The following ADGRL3 variants were observed in gnomAD, a reference collection of about 807,000 sequenced individuals.
ADGRL3 encodes the protein adhesion G protein-coupled receptor L3.
In ADGRL3, 62 loss-of-function variants were observed where a neutral mutation model predicts 153.5. That is an observed-to-expected ratio of 0.40 (90% confidence interval 0.33 to 0.50). ADGRL3 has a LOEUF of 0.50. ADGRL3 is among the 20% of genes least tolerant of loss of function. The probability of loss-of-function intolerance (pLI) is 0.47; values close to 1 mark genes in which losing one functional copy is unlikely to be tolerated. For missense variants in ADGRL3, 1,641 were observed against 1,859.4 expected, an observed-to-expected ratio of 0.88 and a Z score of 2.16; for synonymous variants, 710 against 672.5, an observed-to-expected ratio of 1.06 and a Z score of -0.86.
At chr4:61,326,386 C>A (rs73825111) in intron 1 of ADGRL3, among the ~76,000 whole-genome samples, 6 of 151,868 alleles carry the variant, frequency 4.0e-5, no homozygotes, top group African/African-American at 1.5e-4. Context: ...AGTTTATAAT[C>A]GTAACTGTTC....
chr4:61,716,224 G>T (rs1274030923), intron 6 of ADGRL3, among the ~76,000 whole-genome samples: 1 of 152,086 alleles, frequency 6.6e-6, no homozygotes, highest in African/African-American at 2.4e-5. Flanking sequence ...ACTGGTGTGT[G>T]GCTCTAGAAA....
chr4:61,404,605 G>A (rs1209819268), intron 2 of ADGRL3, among the ~76,000 whole-genome samples: 1 of 151,994 alleles, frequency 6.6e-6, no homozygotes, highest in Non-Finnish European at 1.5e-5. Context: ...TGTGACTGCT[G>A]AGAAGTGAGA....
chr4:61,694,973 C>A (rs1271168753), intron 6 of ADGRL3, among the ~76,000 whole-genome samples: 1 of 152,188 alleles, frequency 6.6e-6, no homozygotes. Context: ...CACAAGATTG[C>A]AGCAATTCAG....
chr4:62,043,899 TATGTA>T (rs556876864), intron 24 of ADGRL3, among the ~76,000 whole-genome samples: 51 of 152,050 alleles, frequency 3.4e-4, no homozygotes, highest in Admixed American at 3.9e-4. Context: ...TCAGGATAGT[TATGTA>T]ATCCCTAAAA....
intron 4 of ADGRL3, among the ~76,000 whole-genome samples, chr4:61,519,653 A>G (rs1657326114): frequency 6.6e-6 from 1 of 152,168 alleles, no homozygotes; most frequent in Non-Finnish European, 1.5e-5. Flanking sequence ...TACAGCTAGA[A>G]TGCTTGGACA....
Position 61,789,457 on chromosome 4 carries a change from G to C in ADGRL3, c.1400-24352G>C, listed in dbSNP as rs1358666364. 7.2e-5 allele frequency among the ~76,000 whole-genome samples: 11 copies of C among 152,178 alleles called. No homozygotes were observed. The East Asian group carries it at 2.1e-3, about 29-fold the overall frequency. ...GCTTTGAGTATTATAATCACTTTATGTAAGGATTATCAAATATATTGGCAA... is the reference window on the plus strand; with the variant it reads ...GCTTTGAGTATTATAATCACTTTATCTAAGGATTATCAAATATATTGGCAA... On this transcript the variant is annotated intron_variant, in intron 8 of 26. Coordinates refer to ENST00000683033, the MANE Select transcript of ADGRL3 (RefSeq NM_001387552.1).
chr4:61,750,800 A>G (rs1427125475), intron 8 of ADGRL3, among the ~76,000 whole-genome samples: 1 of 150,436 alleles, frequency 6.6e-6, no homozygotes, highest in Non-Finnish European at 1.5e-5. Flanking sequence ...AAAAAAGAAA[A>G]AAAAAAAAAA....
intron 25 of ADGRL3, among the ~76,000 whole-genome samples, chr4:62,059,022 A>G (rs1738600611): frequency 6.6e-6 from 1 of 152,186 alleles, no homozygotes; most frequent in African/African-American, 2.4e-5. Context: ...AGATCTAGGC[A>G]TTGGCAGCAA....
chr4:61,945,534 C>T (rs1308561088), intron 15 of ADGRL3, among the ~76,000 whole-genome samples: 1 of 134,110 alleles, frequency 7.5e-6, no homozygotes. Flanking sequence ...CCTCCCCCAG[C>T]CTCGTTGCCA....
intron 5 of ADGRL3, among the ~76,000 whole-genome samples, chr4:61,634,014 T>A (rs536379373): frequency 6.6e-6 from 1 of 152,216 alleles, no homozygotes; most frequent in Non-Finnish European, 1.5e-5. Flanking sequence ...TTTCTTACTC[T>A]CTTATTCTTG....
At chr4:61,246,057 C>A (rs749353542) in intron 1 of ADGRL3, among the ~76,000 whole-genome samples, 5 of 152,020 alleles carry the variant, frequency 3.3e-5, no homozygotes, top group African/African-American at 4.8e-5. Context: ...CATCACTTTT[C>A]TTTTCTACTG....
intron 1 of ADGRL3, among the ~76,000 whole-genome samples, chr4:61,366,430 T>C (rs1006628219): frequency 9.2e-5 from 14 of 152,182 alleles, no homozygotes; most frequent in Admixed American, 9.2e-4. Context: ...AATAACAAGA[T>C]GTTGCATTGT....
intron 2 of ADGRL3, among the ~76,000 whole-genome samples, chr4:61,475,681 T>C (rs2152705888): frequency 6.6e-6 from 1 of 152,284 alleles, no homozygotes; most frequent in East Asian, 1.9e-4. Context: ...GCTGTGACTA[T>C]ACAGATTCCT....
At chr4:62,054,600 T>G (rs1736008794) in intron 25 of ADGRL3, among the ~76,000 whole-genome samples, 1 of 150,096 alleles carries the variant, frequency 6.7e-6, no homozygotes, top group South Asian at 2.1e-4. Flanking sequence ...AAAGAGGGAG[T>G]TTTTAAAAAC....
At chr4:61,374,134 G>A (rs1305033560) in intron 1 of ADGRL3, among the ~76,000 whole-genome samples, 2 of 152,052 alleles carry the variant, frequency 1.3e-5, no homozygotes, top group African/African-American at 4.8e-5. Context: ...TGGGTGTGGG[G>A]TGAATTCTTT....
intron 13 of ADGRL3, among the ~76,000 whole-genome samples, chr4:61,921,339 C>T (rs2098768143): frequency 6.6e-6 from 1 of 152,072 alleles, no homozygotes; most frequent in Admixed American, 6.6e-5. Context: ...AGTGGTGCTC[C>T]CTTGCGGTTG....
At chr4:61,442,707 G>T (rs1004521716) in intron 2 of ADGRL3, among the ~76,000 whole-genome samples, 20 of 152,120 alleles carry the variant, frequency 1.3e-4, no homozygotes, top group Non-Finnish European at 2.4e-4. Flanking sequence ...AGGAGGATTT[G>T]GGAGAGAGAG....
At chr4:61,835,337 GAAA>G (rs34440166) in intron 9 of ADGRL3, among the ~76,000 whole-genome samples, 353 of 33,022 alleles carry the variant, frequency 0.011, no homozygotes, top group African/African-American at 0.031. Context: ...TGGCAAGACT[GAAA>G]AAAAAAAAAA....
chr4:61,340,343 A>G (rs1331113523), intron 1 of ADGRL3, among the ~76,000 whole-genome samples: 1 of 151,874 alleles, frequency 6.6e-6, no homozygotes, highest in Non-Finnish European at 1.5e-5. Context: ...CACATCTTCC[A>G]TGCTTTTCTC....
Sources: gnomAD v4.1 joint callset for allele counts (sites outside exome capture counted in the v4.1 genomes callset) on GRCh38, gnomAD v4.1.1 for gene constraint, MANE v1.5 for transcripts, NCBI Gene and HGNC (gene_info 2026-07-23, HGNC 2026-07-21) for gene names.